Variants in RIPOR2 observed in about 807,000 individuals in gnomAD.
The protein encoded by RIPOR2 is rho family-interacting cell polarization regulator 2.
Under a neutral mutation model 114.5 loss-of-function variants are expected in RIPOR2, and 39 were observed. That is an observed-to-expected ratio of 0.34 (90% CI 0.26 to 0.44). The LOEUF (loss-of-function observed/expected upper bound fraction) is 0.44. Among genes scored for constraint, RIPOR2 ranks in the 20% least tolerant of loss-of-function variants. The probability of loss-of-function intolerance (pLI) is 1.00; values close to 1 mark genes in which losing one functional copy is unlikely to be tolerated. For synonymous variants in RIPOR2, 445 were observed against 484.4 expected, an observed-to-expected ratio of 0.92 and a Z score of 1.07; for missense variants, 1,007 against 1,255.1, an observed-to-expected ratio of 0.80 and a Z score of 2.99.
intron 4 of RIPOR2, among the ~76,000 whole-genome samples, chr6:24,871,111 T>C (rs1765121288): frequency 1.3e-5 from 2 of 152,196 alleles, no homozygotes; most frequent in Admixed American, 1.3e-4. Context: ...AGAGTACATT[T>C]AAGAGCTGAC....
intron 18 of RIPOR2, among the ~76,000 whole-genome samples, chr6:24,825,935 T>TTTC (rs1249366845): frequency 6.7e-6 from 1 of 149,372 alleles, no homozygotes; most frequent in Non-Finnish European, 1.5e-5. Context: ...CTTTTTTTTT[T>TTTC]TTTTTTTGAG....
rs1451039807 is a variant in RIPOR2, at chr6:24,935,317, CAACAAAAAA to C, written c.61+512_61+520del. ...AGCAAGACTCTGTCTCAAAAAACAA[CAACAAAAAA>C]AAAAAAAAAAAAAAAGAGAAGGACC... is the stretch of plus-strand genomic sequence containing the variant. On this transcript the variant is annotated intron_variant, in intron 1 of 21. Transcript: ENST00000643898. 2.8e-3 allele frequency among the ~76,000 whole-genome samples: 226 copies of C among 79,734 alleles called. 1 individual carries two copies. Among genetic ancestry groups the C allele is most frequent in the East Asian group, 5.4e-3 (15 of 2,790 alleles). The allele number at this position is 79,734 out of a possible 152,430, so 52.3% of individuals were successfully genotyped here.
In RIPOR2 at chr6:24,835,770, G is replaced by T; in HGVS notation, c.2141C>A (p.Thr714Asn). The change falls in exon 15 of 22, where the codon ACC becomes AAC. Residue 714 changes from threonine to asparagine, a missense_variant. By Grantham distance (65) the Thr-to-Asn change is moderately conservative (BLOSUM62 0). Transcript: ENST00000643898. ...GATGTCCAGGCTCTCGTTGCCTGTG[G>T]TCAGTGGGAGAGGACTTCCTGCCAC... Reference protein sequence around the residue: ...TSVAGSPLPLTTGNESLDITI... With the variant: ...TSVAGSPLPLNTGNESLDITI... 1 of 1,551,642 alleles carries T rather than the reference G, an allele frequency of 6.4e-7. No individual in the cohort carries two copies. Among genetic ancestry groups the T allele is most frequent in the South Asian group, 1.2e-5 (1 of 84,056 alleles).
chr6:25,035,146 T>C (rs966577994), intron 1 of RIPOR2, among the ~76,000 whole-genome samples: 2 of 152,328 alleles, frequency 1.3e-5, no homozygotes, highest in East Asian at 1.9e-4. Flanking sequence ...GATTCAGAAC[T>C]GGGGAGAAAC....
rs949907185 is a variant in RIPOR2 at position 24,809,824 on chromosome 6, G to C, written c.2953-17C>G. 6.7e-7 allele frequency: 1 copy of C among 1,486,690 alleles called. No individual in the cohort carries two copies. The highest frequency in any genetic ancestry group is 2.5e-5 in the East Asian group (1 of 40,592). 92.1% of individuals were successfully genotyped at this position (1,486,690 alleles called of 1,614,324 possible). A position where few individuals can be genotyped will look rare whatever the true frequency, so the allele number is the denominator to read the frequency against. The stretch of plus-strand genomic sequence containing the variant: ...TTCAGTAGCCTATGGGGGAAAAATA[G>C]GTTAAATCGTGTTTTGACATTTAGG... On this transcript the variant is annotated splice_polypyrimidine_tract_variant and intron_variant, in intron 20 of 21. Coordinates refer to ENST00000643898, the MANE Select transcript of RIPOR2 (RefSeq NM_001286445.3).
intron 1 of RIPOR2, among the ~76,000 whole-genome samples, chr6:24,956,435 A>G (rs1773047668): frequency 6.6e-6 from 1 of 152,244 alleles, no homozygotes; most frequent in Non-Finnish European, 1.5e-5. Context: ...TTAAATACTT[A>G]TCATCTTACC....
rs779651518 is a variant in RIPOR2, at chr6:24,850,728, G to A, written c.760-6C>T. On this transcript the variant is annotated splice_polypyrimidine_tract_variant and splice_region_variant and intron_variant, in intron 9 of 21. Transcript: ENST00000643898. ...CGGCCATACTTCATGAAAATCTGGA[G>A]AGGAGACATCCAAGGGCCTTCATGT... 3 of 1,613,458 alleles carry A rather than the reference G, an allele frequency of 1.9e-6. No individual in the cohort carries two copies. The highest frequency in any genetic ancestry group is 2.5e-6 in the Non-Finnish European group (3 of 1,179,850).
At chr6:24,855,739 C>T (rs773404776) in intron 8 of RIPOR2, among the ~76,000 whole-genome samples, 7 of 152,154 alleles carry the variant, frequency 4.6e-5, no homozygotes, top group Non-Finnish European at 1.0e-4. Flanking sequence ...CCTGTTAGTA[C>T]GCTGGAGACT....
chr6:24,915,178 C>A (rs1769973957), intron 1 of RIPOR2, among the ~76,000 whole-genome samples: 1 of 152,090 alleles, frequency 6.6e-6, no homozygotes, highest in African/African-American at 2.4e-5. Flanking sequence ...CTCTTATGAC[C>A]TTTCTGTATA....
At chr6:24,864,838 T>C (rs1764421404) in intron 7 of RIPOR2, among the ~76,000 whole-genome samples, 1 of 152,238 alleles carries the variant, frequency 6.6e-6, no homozygotes, top group Non-Finnish European at 1.5e-5. Context: ...TGTAGCTATC[T>C]GAACCATAGG....
intron 1 of RIPOR2, among the ~76,000 whole-genome samples, chr6:24,921,534 C>A (rs1187068149): frequency 6.6e-6 from 1 of 152,090 alleles, no homozygotes; most frequent in Non-Finnish European, 1.5e-5. Context: ...TCTCCCCAGA[C>A]CTCCATATGT....
intron 8 of RIPOR2, among the ~76,000 whole-genome samples, chr6:24,854,044 A>G (rs1438850161): frequency 2.0e-5 from 3 of 151,642 alleles, no homozygotes; most frequent in African/African-American, 7.3e-5. Flanking sequence ...GCTTGAGCCC[A>G]GGAGGTCTAG....
At chr6:25,027,835 C>T (rs748163523) in intron 1 of RIPOR2, among the ~76,000 whole-genome samples, 4 of 152,216 alleles carry the variant, frequency 2.6e-5, no homozygotes, top group Non-Finnish European at 5.9e-5. Flanking sequence ...GTCAGGGCAT[C>T]ACCGAACAGG....
intron 1 of RIPOR2, among the ~76,000 whole-genome samples, chr6:25,029,784 C>G (rs545099275): frequency 2.6e-5 from 4 of 151,898 alleles, no homozygotes; most frequent in Non-Finnish European, 5.9e-5. Context: ...ATTTTTTTGT[C>G]CTTTGAGGGA....
At chr6:25,008,521 C>T (rs1775648887) in intron 1 of RIPOR2, among the ~76,000 whole-genome samples, 1 of 152,190 alleles carries the variant, frequency 6.6e-6, no homozygotes, top group Non-Finnish European at 1.5e-5. Context: ...GGGAATGCAG[C>T]CTTTGAGTTA....
At chr6:24,876,270 A>G (rs1191472818) in intron 1 of RIPOR2, among the ~76,000 whole-genome samples, 2 of 152,276 alleles carry the variant, frequency 1.3e-5, no homozygotes, top group East Asian at 1.9e-4. Flanking sequence ...AGCCTGGGCA[A>G]TAAGAGCAAA....
Position 24,804,705 on chromosome 6 carries a change from C to G in RIPOR2, c.*1668G>C, listed in dbSNP as rs1425678596. ...TTTGCACTTTGAAATGAAATGAGTC[C>G]TTTTTAAAAGTCTTGCTAAAATGTA... is the stretch of plus-strand genomic sequence containing the variant. On this transcript the variant is annotated 3_prime_UTR_variant, in exon 22 of 22. Transcript: ENST00000643898. 6.6e-6 allele frequency: 1 copy of G among 152,050 alleles called. No homozygotes were observed. Among genetic ancestry groups the G allele is most frequent in the Non-Finnish European group, 1.5e-5 (1 of 67,998 alleles). 9.4% of individuals were successfully genotyped at this position (152,050 alleles called of 1,614,324 possible). A position where few individuals can be genotyped will look rare whatever the true frequency, so the allele number is the denominator to read the frequency against.
rs1021260409 is a variant in RIPOR2, at chr6:24,805,242, A to G, written c.*1131T>C. 2 of 132,086 alleles carry G rather than the reference A, an allele frequency of 1.5e-5. No homozygotes were observed. The highest frequency in any genetic ancestry group is 3.5e-5 in the Non-Finnish European group (2 of 57,318). The allele number at this position is 132,086 out of a possible 1,614,324, so 8.2% of individuals were successfully genotyped here. A position where few individuals can be genotyped will look rare whatever the true frequency, so the allele number is the denominator to read the frequency against. On this transcript the variant is annotated 3_prime_UTR_variant, in exon 22 of 22. Coordinates refer to ENST00000643898, the MANE Select transcript of RIPOR2 (RefSeq NM_001286445.3). ...AAAAATAGCTCTCATTAATTAAAAA[A>G]AAAAAAGCATAAGCTTTGAGTTTTT... is the stretch of plus-strand genomic sequence containing the variant.
intron 1 of RIPOR2, among the ~76,000 whole-genome samples, chr6:24,991,420 G>T (rs1170042499): frequency 1.3e-5 from 2 of 152,108 alleles, no homozygotes; most frequent in African/African-American, 4.8e-5. Flanking sequence ...TGGGTAGCTT[G>T]TCTGGTGGTA....
Sources: gnomAD v4.1 joint callset for allele counts (sites outside exome capture counted in the v4.1 genomes callset) on GRCh38, gnomAD v4.1.1 for gene constraint, MANE v1.5 for transcripts, NCBI Gene and HGNC (gene_info 2026-07-23, HGNC 2026-07-21) for gene names.